Variants in DAB1 observed in about 807,000 individuals in gnomAD.
DAB1 encodes the protein disabled homolog 1.
A neutral mutation model predicts 64.6 loss-of-function variants in DAB1; 15 were observed. That is an observed-to-expected ratio of 0.23 (90% CI 0.16 to 0.36). DAB1 has a LOEUF of 0.36. Ranked by LOEUF, DAB1 falls within the 10% of genes least tolerant of loss-of-function variation. The pLI is 1.00. For missense variants in DAB1, 596 were observed against 706.7 expected (o/e 0.84, Z 1.78); for synonymous variants, 235 against 251.9 (o/e 0.93, Z 0.64).
chr1:57,498,143 G>A (rs1644250892), intron 7 of DAB1, among the ~76,000 whole-genome samples: 1 of 152,220 alleles, frequency 6.6e-6, no homozygotes, highest in African/African-American at 2.4e-5. Context: ...GCAGAGAGAT[G>A]GAGAATCCTG....
intron 6 of DAB1, among the ~76,000 whole-genome samples, chr1:57,742,039 G>A (rs1285355755): frequency 6.6e-6 from 1 of 152,192 alleles, no homozygotes; most frequent in Non-Finnish European, 1.5e-5. Context: ...CAGGTTGAAA[G>A]TGGGAAATAA....
chr1:58,396,252 G>C (rs904277366), intron 3 of DAB1, among the ~76,000 whole-genome samples: 1 of 152,072 alleles, frequency 6.6e-6, no homozygotes, highest in African/African-American at 2.4e-5. Context: ...ATTCCCAGGG[G>C]CTCCAGTCAG....
chr1:57,831,421 C>G (rs1319366934), intron 1 of DAB1, among the ~76,000 whole-genome samples: 1 of 152,074 alleles, frequency 6.6e-6, no homozygotes, highest in Admixed American at 6.6e-5. Context: ...TTCTGTGAGT[C>G]CTTCAAGTGA....
chr1:58,530,988 T>C (rs534469431), intron 1 of DAB1, among the ~76,000 whole-genome samples: 2 of 152,326 alleles, frequency 1.3e-5, no homozygotes, highest in Admixed American at 1.3e-4. Flanking sequence ...TACAATTTCT[T>C]ATATTAACAG....
At chr1:57,743,427 T>G (rs1169249879) in intron 6 of DAB1, among the ~76,000 whole-genome samples, 1 of 152,170 alleles carries the variant, frequency 6.6e-6, no homozygotes, top group African/African-American at 2.4e-5. Flanking sequence ...CCCAAACCTA[T>G]AAGAACTAAT....
chr1:57,519,491 G>A (rs1388428197), intron 7 of DAB1, among the ~76,000 whole-genome samples: 1 of 152,076 alleles, frequency 6.6e-6, no homozygotes, highest in Non-Finnish European at 1.5e-5. Flanking sequence ...CCTATTTGCG[G>A]GTGACAAAAC....
chr1:58,450,196 G>A (rs911041447), intron 3 of DAB1, among the ~76,000 whole-genome samples: 1 of 152,130 alleles, frequency 6.6e-6, no homozygotes, highest in Admixed American at 6.6e-5. Flanking sequence ...AATGATAGTG[G>A]GTGAATCTGC....
At chr1:57,902,201 G>C (rs1020679458) in intron 5 of DAB1, among the ~76,000 whole-genome samples, 1 of 150,118 alleles carries the variant, frequency 6.7e-6, no homozygotes, top group Non-Finnish European at 1.5e-5. Context: ...GTATTGAAAA[G>C]CTTTAATTAT....
chr1:57,823,213 GA>G (rs1652198841), downstream of DAB1, among the ~76,000 whole-genome samples: 1 of 152,020 alleles, frequency 6.6e-6, no homozygotes, highest in Non-Finnish European at 1.5e-5. Context: ...TCAAACTCCT[GA>G]CCTCGTGATC....
chr1:57,191,975 A>G (rs144543086), intron 2 of DAB1, among the ~76,000 whole-genome samples: 1 of 152,226 alleles, frequency 6.6e-6, no homozygotes, highest in Non-Finnish European at 1.5e-5. Flanking sequence ...TAATACCACA[A>G]ATATAATCGC....
intron 4 of DAB1, among the ~76,000 whole-genome samples, chr1:57,114,078 A>G (rs1246152612): frequency 6.6e-6 from 1 of 152,104 alleles, no homozygotes; most frequent in East Asian, 1.9e-4. Flanking sequence ...CCTTGTTTAA[A>G]TTCCCTTCCC....
intron 6 of DAB1, among the ~76,000 whole-genome samples, chr1:57,816,234 CT>C: frequency 6.6e-6 from 1 of 152,340 alleles, no homozygotes; most frequent in East Asian, 1.9e-4. Context: ...GATTTCGGCT[CT>C]ACCTTAAGAT....
chr1:57,711,482 G>A lies in DAB1; in HGVS notation n.552-61817C>T, dbSNP rs990810768. On this transcript the variant is annotated intron_variant and non_coding_transcript_variant, in intron 6 of 20. Transcript: ENST00000485760. The stretch of plus-strand genomic sequence containing the variant: ...GTGGTGGGGATAGCAGTTGGCTCCA[G>A]GGGAATAGGAGTGAAACTGCTGCTT... Among the ~76,000 whole-genome samples, 3 of 152,340 alleles carry A rather than the reference G, an allele frequency of 2.0e-5. No individual in the cohort carries two copies. In the South Asian group the frequency reaches 6.2e-4, roughly 32 times the overall value.
At chr1:58,439,495 T>A (rs1008800224) in intron 3 of DAB1, among the ~76,000 whole-genome samples, 3 of 152,226 alleles carry the variant, frequency 2.0e-5, no homozygotes, top group African/African-American at 7.2e-5. Flanking sequence ...GAACAGAGAT[T>A]GTCTTAGTCC....
At chr1:58,544,019 G>A (rs529042726) in intron 1 of DAB1, among the ~76,000 whole-genome samples, 3 of 152,332 alleles carry the variant, frequency 2.0e-5, no homozygotes, top group South Asian at 2.1e-4. Flanking sequence ...GTCCAGGCAA[G>A]TGAATATCAG....
chr1:58,473,791 C>T (rs951542689), intron 3 of DAB1: 12 of 552,068 alleles, frequency 2.2e-5, no homozygotes, highest in East Asian at 1.3e-4. Context: ...GACCCAAGAA[C>T]GCTCTGCAGA....
intron 7 of DAB1, among the ~76,000 whole-genome samples, chr1:57,648,626 G>A (rs1228303219): frequency 1.3e-5 from 2 of 152,082 alleles, no homozygotes; most frequent in African/African-American, 4.8e-5. Context: ...CTCCAGTCCT[G>A]TTGTTCCCCA....
chr1:58,283,772 A>G (rs2100442503), intron 4 of DAB1, among the ~76,000 whole-genome samples: 1 of 152,310 alleles, frequency 6.6e-6, no homozygotes, highest in East Asian at 1.9e-4. Context: ...TTTTCCTCCC[A>G]CAAGCTTCAT....
intron 7 of DAB1, among the ~76,000 whole-genome samples, chr1:57,637,947 T>C (rs1646077243): frequency 6.6e-6 from 1 of 152,190 alleles, no homozygotes; most frequent in Non-Finnish European, 1.5e-5. Flanking sequence ...GGAATATTAT[T>C]CAGTTGTTTA....
Sources: allele counts gnomAD v4.1 joint callset (sites outside exome capture counted in the v4.1 genomes callset), GRCh38; gene constraint gnomAD v4.1.1; transcripts MANE v1.5; gene names NCBI Gene and HGNC (gene_info 2026-07-23, HGNC 2026-07-21).